The following USP35 variants were observed in gnomAD, a reference collection of about 807,000 sequenced individuals.
USP35 encodes the protein ubiquitin carboxyl-terminal hydrolase 35.
A neutral mutation model predicts 83.8 loss-of-function variants in USP35; 69 were observed. That is an observed-to-expected ratio of 0.82 (90% CI 0.68 to 1.01). The LOEUF (loss-of-function observed/expected upper bound fraction) is 1.01. Ranked by LOEUF, USP35 falls within the 50% of genes least tolerant of loss-of-function variation. The probability of loss-of-function intolerance (pLI) is 0.00; values close to 1 mark genes in which losing one functional copy is unlikely to be tolerated. For synonymous variants in USP35, 714 were observed against 589.5 expected (o/e 1.21, Z -3.06); for missense variants, 1,503 against 1,362.5 (o/e 1.10, Z -1.62).
In USP35 at chr11:78,209,539, A is replaced by C; in HGVS notation, c.1684A>C (p.Ser562Arg). ...TCCGCCCGAGGAGCCCCCGGCCCCAAGTTCAACCTCTGTGGAAAAAATGTT... is the reference window on the plus strand; with the variant it reads ...TCCGCCCGAGGAGCCCCCGGCCCCACGTTCAACCTCTGTGGAAAAAATGTT... ...PSPPEEPPAP[S>R]STSVEKMFGG... Residue 562 changes from serine to arginine, a missense_variant, in exon 10 of 11, where the codon AGT becomes CGT. Physicochemically the swap from Ser to Arg is moderately radical, Grantham distance 110. Coordinates refer to ENST00000529308, the MANE Select transcript of USP35 (RefSeq NM_020798.4). 2.5e-6 allele frequency: 4 copies of C among 1,614,110 alleles called. No individual in the cohort carries two copies. Among genetic ancestry groups the C allele is most frequent in the Non-Finnish European group, 3.4e-6 (4 of 1,179,976 alleles).
intron 6 of USP35, among the ~76,000 whole-genome samples, chr11:78,205,134 T>C (rs1403697149): frequency 6.6e-6 from 1 of 152,236 alleles, no homozygotes; most frequent in Non-Finnish European, 1.5e-5. Flanking sequence ...TAGGTGCTGC[T>C]GTTTGATGTG....
the USP35 span, chr11:78,223,662 A>C: frequency 1.2e-6 from 2 of 1,601,036 alleles, no homozygotes; most frequent in Middle Eastern, 1.7e-4. Flanking sequence ...ATCGGCCCAC[A>C]ATCATTTTCC....
rs1863980361 is a variant in USP35, at chr11:78,214,376, T to A, written c.*563T>A. 1 of 2,362 alleles carries A rather than the reference T, an allele frequency of 4.2e-4. No individual in the cohort carries two copies. Among genetic ancestry groups the A allele is most frequent in the Admixed American group, 3.8e-3 (1 of 260 alleles). The allele number at this position is 2,362 out of a possible 1,614,324, so 0.1% of individuals were successfully genotyped here. On this transcript the variant is annotated 3_prime_UTR_variant, in exon 11 of 11. Transcript: ENST00000529308. ...CCCTTACCAAGCGCCACTGCATGGT[T>A]TTGGGGGGGGGGGCGGGGGGCTAGC...
At chr11:78,199,466 C>A in intron 3 of USP35, 129 bp from the exon 4 acceptor site, 1 of 1,413,026 alleles carries the variant, frequency 7.1e-7, no homozygotes, top group Non-Finnish European at 9.7e-7. Context: ...GCCCACAGAC[C>A]CCGGGGCTGC....
chr11:78,225,870 G>T, the USP35 span, among the ~76,000 whole-genome samples: 1 of 152,178 alleles, frequency 6.6e-6, no homozygotes, highest in Admixed American at 6.5e-5. Context: ...AAACCATAAA[G>T]CAAGATGCAA....
Position 78,200,239 on chromosome 11 carries a change from G to T in USP35, c.1038+5G>T, listed in dbSNP as rs1171292421. On this transcript the variant is annotated splice_donor_5th_base_variant and intron_variant, in intron 5 of 10. Transcript: ENST00000529308. ...TCCCACGAAGCCTTCCACCTGGTAA[G>T]GTCCCCTGCCTGCTGCCCCTGGTGA... The T allele has an allele frequency of 8.1e-6, 13 of 1,613,522 alleles. No homozygotes were observed. Among genetic ancestry groups the T allele is most frequent in the Non-Finnish European group, 1.1e-5 (13 of 1,179,954 alleles).
the USP35 span, chr11:78,225,107 CCAG>C: frequency 6.2e-7 from 1 of 1,605,364 alleles, no homozygotes. Flanking sequence ...CCCACACTCA[CCAG>C]GAAAGAGCCA....
chr11:78,233,481 A>AT, the USP35 span, among the ~76,000 whole-genome samples: 1 of 152,056 alleles, frequency 6.6e-6, no homozygotes, highest in Non-Finnish European at 1.5e-5. Context: ...ATCTATTCAC[A>AT]TTTTTTGCCC....
At chr11:78,209,010 T>G in intron 9 of USP35, 47 bp downstream of exon 9, 1 of 1,584,210 alleles carries the variant, frequency 6.3e-7, no homozygotes, top group Non-Finnish European at 8.6e-7. Flanking sequence ...AGAGGGTCCT[T>G]GGGGGCAAGC....
Position 78,215,127 on chromosome 11 carries a change from T to TATGA in USP35, c.*1315_*1318dup, listed in dbSNP as rs1446754021. Among the ~76,000 whole-genome samples, 1 of 152,170 alleles carries TATGA rather than the reference T, an allele frequency of 6.6e-6. No homozygotes were observed. The highest frequency in any genetic ancestry group is 1.5e-5 in the Non-Finnish European group (1 of 68,028). ...AGAAAGCTGGATGGGTAAATGCTAG[T>TATGA]ATGATTTCCACTTTACAACAGACGC... is the stretch of plus-strand genomic sequence containing the variant. On this transcript the variant is annotated 3_prime_UTR_variant, in exon 11 of 11. Coordinates refer to ENST00000529308, the MANE Select transcript of USP35 (RefSeq NM_020798.4).
At position 78,209,647 on chromosome 11, in the gene USP35, C is replaced by G. The variant is rs768195133; in HGVS notation, c.1792C>G (p.Leu598Val). ...GGAGGAGGCCTTCACGGACCTCTCT[C>G]TCGCCTTCCCTCCTCCTGAGCGCTG... ...SREEAFTDLS[L>V]AFPPPERCRR... Residue 598 changes from leucine (L) to valine (V), a missense_variant, in exon 10 of 11, where the codon CTC (leucine) becomes GTC (valine). Transcript: ENST00000529308. 9 of 1,614,006 alleles carry G rather than the reference C, an allele frequency of 5.6e-6. No homozygotes were observed. In the East Asian group the frequency reaches 1.8e-4, roughly 32 times the overall value.
the USP35 span, chr11:78,231,688 C>T: frequency 6.6e-6 from 1 of 152,122 alleles, no homozygotes; most frequent in African/African-American, 2.4e-5. Flanking sequence ...TTTTTCTAGC[C>T]ACTTCATTTT....
At chr11:78,218,468 G>C (rs1361553080), downstream of USP35, 5 of 152,458 alleles carry the variant, frequency 3.3e-5, no homozygotes, top group African/African-American at 9.6e-5. Context: ...TGTAGCTCCA[G>C]AGTTCTGGGG....
At chr11:78,192,052 T>C (rs3102743) in intron 1 of USP35, among the ~76,000 whole-genome samples, 73,675 of 151,896 alleles carry the variant, frequency 0.49, 18,288 homozygotes, top group East Asian at 0.62. Context: ...ACCGTGTTAA[T>C]GAGGACCTCA....
intron 10 of USP35, among the ~76,000 whole-genome samples, chr11:78,211,843 A>T (rs1047827615): frequency 2.0e-5 from 3 of 151,984 alleles, no homozygotes; most frequent in African/African-American, 7.3e-5. Context: ...TGGATATCGG[A>T]CTTAGGTCAG....
downstream of USP35, chr11:78,219,187 G>A (rs2134448248): frequency 7.8e-7 from 1 of 1,279,680 alleles, no homozygotes; most frequent in Non-Finnish European, 1.1e-6. Flanking sequence ...AGGTGGATGG[G>A]AGGAAGAACG....
the USP35 span, among the ~76,000 whole-genome samples, chr11:78,233,903 G>A: frequency 6.6e-6 from 1 of 152,134 alleles, no homozygotes; most frequent in African/African-American, 2.4e-5. Context: ...GGGCCACCAC[G>A]CCCAGCCCAT....
In USP35 at chr11:78,206,027, GGCGTCTGAGTAGGT is replaced by G. The variant is rs766234986; in HGVS notation, c.1386_1391+8del. On this transcript the variant is annotated splice_donor_variant and splice_donor_5th_base_variant and coding_sequence_variant and intron_variant, in exon 7 of 11. Coordinates refer to ENST00000529308, the MANE Select transcript of USP35 (RefSeq NM_020798.4). LOFTEE classifies it high-confidence loss of function. ...ACAGCATCCTTCAGGCCTTATTCATGGCGTCTGAGTAGGTGCTGCTTTGGAATTCCCTGTCTGCC... is the reference window on the plus strand; with the variant it reads ...ACAGCATCCTTCAGGCCTTATTCATGGCTGCTTTGGAATTCCCTGTCTGCC... 4 of 1,612,806 alleles carry G rather than the reference GGCGTCTGAGTAGGT, an allele frequency of 2.5e-6. No individual in the cohort carries two copies. The highest frequency in any genetic ancestry group is 3.4e-6 in the Non-Finnish European group (4 of 1,178,976).
chr11:78,191,729 A>C (rs1007899581), intron 1 of USP35, among the ~76,000 whole-genome samples: 6 of 152,182 alleles, frequency 3.9e-5, no homozygotes, highest in African/African-American at 1.4e-4. Flanking sequence ...TGCCTTGGAG[A>C]ATCAGCAGGA....
Sources: allele counts gnomAD v4.1 joint callset (sites outside exome capture counted in the v4.1 genomes callset), GRCh38; gene constraint gnomAD v4.1.1; transcripts MANE v1.5; gene names NCBI Gene and HGNC (gene_info 2026-07-23, HGNC 2026-07-21).